Variants in RLF observed in about 807,000 individuals in gnomAD.
RLF encodes zinc finger protein Rlf.
RLF carries 7 observed loss-of-function variants against 162.9 expected under a neutral mutation model. The ratio of observed to expected loss-of-function variants is 0.04; its 90% CI spans 0.02 to 0.08. The LOEUF (loss-of-function observed/expected upper bound fraction) is 0.08, where lower values mean the gene tolerates loss of function less well. Among genes scored for constraint, RLF ranks in the 10% least tolerant of loss-of-function variants. The probability of loss-of-function intolerance (pLI) is 1.00; values close to 1 mark genes in which losing one functional copy is unlikely to be tolerated. For synonymous variants in RLF, 782 were observed against 791.5 expected, an observed-to-expected ratio of 0.99 and a Z score of 0.20; for missense variants, 1,664 against 2,244.7, an observed-to-expected ratio of 0.74 and a Z score of 5.23.
At chr1:40,207,691 G>T (rs1642814345) in intron 5 of RLF, among the ~76,000 whole-genome samples, 1 of 152,066 alleles carries the variant, frequency 6.6e-6, no homozygotes. Flanking sequence ...GCTCACTGCA[G>T]CCTCCACCTC....
intron 5 of RLF, among the ~76,000 whole-genome samples, chr1:40,205,189 C>T (rs1642773210): frequency 6.6e-6 from 1 of 152,106 alleles, no homozygotes; most frequent in Admixed American, 6.6e-5. Flanking sequence ...GGTGGTGGCT[C>T]ATGCCTGTAA....
At chr1:40,173,556 T>G (rs1180524696) in intron 1 of RLF, among the ~76,000 whole-genome samples, 2 of 151,626 alleles carry the variant, frequency 1.3e-5, no homozygotes, top group African/African-American at 4.9e-5. Context: ...CTCTGTTGCT[T>G]AGGCTGTAGT....
In RLF at chr1:40,189,124, C is replaced by G. The variant is rs1162203498; in HGVS notation, c.307C>G (p.Leu103Val). 1 of 1,613,386 alleles carries G rather than the reference C, an allele frequency of 6.2e-7. No homozygotes were observed. Among genetic ancestry groups the G allele is most frequent in the Non-Finnish European group, 8.5e-7 (1 of 1,179,460 alleles). The change falls in exon 2 of 8, where the codon CTT becomes GTT. Residue 103 changes from leucine to valine, a missense_variant. Physicochemically the swap from Leu to Val is conservative, Grantham distance 32. This residue lies in a region of RLF where 287 missense variants were observed against 404.9 expected (regional missense o/e 0.71). Transcript: ENST00000372771. The stretch of plus-strand genomic sequence containing the variant: ...TGTGTATCTTCTGGAGGTATATCGA[C>G]TTGCCATCCAAAGCTTTGCCAGTGC... ...HIVYLLEVYR[L>V]AIQSFASARP...
In RLF at chr1:40,188,685, G is replaced by A. The variant is rs142082329; in HGVS notation, c.238-370G>A. 2.6e-5 allele frequency among the ~76,000 whole-genome samples: 4 copies of A among 151,752 alleles called. No homozygotes were observed. The East Asian group carries it at 7.7e-4, about 29-fold the overall frequency. The stretch of plus-strand genomic sequence containing the variant: ...CATATTCAGGAATAATTCATCTCTT[G>A]TTGTAGAAGGCAGGGATCATAGTCT... On this transcript the variant is annotated intron_variant, in intron 1 of 7. Transcript: ENST00000372771.
intron 1 of RLF, among the ~76,000 whole-genome samples, chr1:40,173,093 T>TTTTTTTTTTTTTTTTG (rs1642269653): frequency 1.4e-5 from 2 of 142,776 alleles, no homozygotes; most frequent in African/African-American, 5.2e-5. Flanking sequence ...TTTTTTTTTG[T>TTTTTTTTTTTTTTTTG]GAGGCAGAGT....
intron 1 of RLF, among the ~76,000 whole-genome samples, chr1:40,176,232 T>A (rs1194249938): frequency 1.3e-5 from 2 of 152,202 alleles, no homozygotes; most frequent in East Asian, 3.8e-4. Context: ...TATGGACAGA[T>A]GCTTTTTCTT....
At chr1:40,216,016 T>C (rs529985673) in intron 5 of RLF, among the ~76,000 whole-genome samples, 43 of 151,816 alleles carry the variant, frequency 2.8e-4, no homozygotes, top group African/African-American at 1.0e-3. Context: ...TTGACAAAAT[T>C]GATATACTTT....
chr1:40,162,361 A>G (rs1642100981), intron 1 of RLF, among the ~76,000 whole-genome samples: 1 of 152,014 alleles, frequency 6.6e-6, no homozygotes, highest in South Asian at 2.1e-4. Context: ...GTCCTAACCT[A>G]TGATTACATA....
intron 5 of RLF, among the ~76,000 whole-genome samples, chr1:40,217,451 A>G (rs1044179211): frequency 3.3e-5 from 5 of 152,178 alleles, no homozygotes; most frequent in Admixed American, 3.3e-4. Flanking sequence ...AGCCTGGGCC[A>G]CGGAGCAAGA....
chr1:40,194,179 AT>A (rs1642598181), intron 3 of RLF, among the ~76,000 whole-genome samples: 1 of 152,186 alleles, frequency 6.6e-6, no homozygotes. Context: ...TTTTCAGGAC[AT>A]TTTATATAGA....
intron 6 of RLF, 63 bp downstream of exon 6, chr1:40,222,773 G>A (rs1643016244): frequency 7.0e-7 from 1 of 1,427,740 alleles, no homozygotes; most frequent in Non-Finnish European, 9.7e-7. Context: ...TAGGGTTTAT[G>A]TAAAATGTTA....
intron 5 of RLF, among the ~76,000 whole-genome samples, chr1:40,215,913 C>T (rs1053126936): frequency 6.6e-6 from 1 of 150,754 alleles, no homozygotes; most frequent in African/African-American, 2.4e-5. Flanking sequence ...TGAAAGCAAG[C>T]AGAAGGAAGG....
At chr1:40,198,501 A>G (rs570953579) in intron 4 of RLF, among the ~76,000 whole-genome samples, 2 of 151,886 alleles carry the variant, frequency 1.3e-5, no homozygotes, top group African/African-American at 4.8e-5. Flanking sequence ...AGTTTTCACT[A>G]TATTGGTCAG....
In RLF at chr1:40,231,585, G is replaced by A. The variant is rs1178767760; in HGVS notation, c.1016G>A (p.Arg339His). ...CCTTCTTTAGATACTTTTTTGGAGC[G>A]CTGTCGTCAGTTTGGTGTCATAGCT... ...IDPSLDTFLE[R>H]CRQFGVIAKT... Residue 339 changes from arginine to histidine, a missense_variant, in exon 7 of 8, where the codon CGC (arginine) becomes CAC (histidine). This residue lies in a region of RLF where 287 missense variants were observed against 404.9 expected (regional missense o/e 0.71). Coordinates refer to ENST00000372771, the MANE Select transcript of RLF (RefSeq NM_012421.4). The A allele has an allele frequency of 3.1e-6, 5 of 1,613,736 alleles. No homozygotes were observed. The highest frequency in any genetic ancestry group is 1.3e-5 in the African/African-American group (1 of 74,996).
rs1557762020 is a variant in RLF, at chr1:40,236,018, A to G, written c.1316A>G (p.Lys439Arg). 1 of 1,613,304 alleles carries G rather than the reference A, an allele frequency of 6.2e-7. No individual in the cohort carries two copies. The change falls in exon 8 of 8, where the codon AAA (lysine) becomes AGA (arginine). Residue 439 changes from lysine (K) to arginine (R), a missense_variant. Transcript: ENST00000372771. The surrounding 1 kb of genome is among the most constrained non-coding windows in gnomAD (Gnocchi z 7.7). The part of the protein sequence containing the change: ...LEELYLQPDQ[K>R]FDEENAPVPN... ...GAACTATATTTGCAACCAGATCAAA[A>G]ATTTGATGAAGAAAATGCACCGGTT...
intron 5 of RLF, among the ~76,000 whole-genome samples, chr1:40,212,505 A>G (rs926575391): frequency 6.6e-6 from 1 of 152,156 alleles, no homozygotes; most frequent in Non-Finnish European, 1.5e-5. Context: ...ATATTTTTTC[A>G]TTACTGAAAG....
At chr1:40,208,836 A>G (rs1337857755) in intron 5 of RLF, among the ~76,000 whole-genome samples, 1 of 152,154 alleles carries the variant, frequency 6.6e-6, no homozygotes, top group African/African-American at 2.4e-5. Flanking sequence ...AAAACTTTGA[A>G]TTTTATAGAA....
At chr1:40,234,559 A>G (rs531362195) in intron 7 of RLF, among the ~76,000 whole-genome samples, 1 of 152,344 alleles carries the variant, frequency 6.6e-6, no homozygotes, top group Non-Finnish European at 1.5e-5. Context: ...ACAATGTGCC[A>G]GCGTTATTAT....
chr1:40,205,344 C>A (rs1279438173), intron 5 of RLF, among the ~76,000 whole-genome samples: 1 of 151,844 alleles, frequency 6.6e-6, no homozygotes, highest in African/African-American at 2.4e-5. Flanking sequence ...ACTCTGTCTT[C>A]AAAAAAATAA....
Sources: gnomAD v4.1 joint callset for allele counts (sites outside exome capture counted in the v4.1 genomes callset) on GRCh38, gnomAD v4.1.1 for gene constraint, gnomAD v4.1.1 regional missense constraint, Gnocchi (gnomAD v3.1) non-coding constraint, MANE v1.5 for transcripts, NCBI Gene and HGNC (gene_info 2026-07-23, HGNC 2026-07-21) for gene names.